Variants in KCTD9 observed in about 807,000 individuals in gnomAD.
KCTD9 encodes potassium channel tetramerization domain containing 9.
Under a neutral mutation model 53.3 loss-of-function variants are expected in KCTD9, and 17 were observed. The ratio of observed to expected loss-of-function variants is 0.32; its 90% CI spans 0.22 to 0.48. KCTD9 has a LOEUF of 0.48. Ranked by LOEUF, KCTD9 falls within the 20% of genes least tolerant of loss-of-function variation. The pLI is 0.99. For synonymous variants in KCTD9, 128 were observed against 162.7 expected (o/e 0.79, Z 1.62); for missense variants, 179 against 465.5 (o/e 0.38, Z 5.66).
chr8:25,435,151 T>G (rs758154920), intron 9 of KCTD9, among the ~76,000 whole-genome samples: 2 of 152,234 alleles, frequency 1.3e-5, no homozygotes, highest in African/African-American at 2.4e-5. Flanking sequence ...TTACTAAACC[T>G]TTCAAGTCTA....
chr8:25,452,050 T>C (rs1802329863), intron 1 of KCTD9, among the ~76,000 whole-genome samples: 1 of 152,208 alleles, frequency 6.6e-6, no homozygotes, highest in Non-Finnish European at 1.5e-5. Context: ...CATTATGTAA[T>C]ATACAATACA....
chr8:25,439,850 C>G, intron 4 of KCTD9, 186 bp from the exon 5 acceptor site: 1 of 1,241,236 alleles, frequency 8.1e-7, no homozygotes, highest in Middle Eastern at 2.9e-4. Flanking sequence ...TAATAGGGTA[C>G]TTCCTTTGAT....
chr8:25,441,838 A>G (rs906646472), intron 3 of KCTD9, among the ~76,000 whole-genome samples: 2 of 152,054 alleles, frequency 1.3e-5, no homozygotes, highest in Non-Finnish European at 2.9e-5. Context: ...CATCTCTACA[A>G]AAAATACAAA....
chr8:25,442,953 A>G (rs1802149770), intron 3 of KCTD9, among the ~76,000 whole-genome samples: 1 of 152,132 alleles, frequency 6.6e-6, no homozygotes, highest in African/African-American at 2.4e-5. Context: ...AGGACTATTG[A>G]TATAGAAAAA....
In KCTD9 at chr8:25,435,149, C is replaced by T. The variant is rs186342998; in HGVS notation, c.813+214G>A. Among the ~76,000 whole-genome samples the T allele has an allele frequency of 1.7e-3, 253 of 152,264 alleles. 1 individual carries two copies. Among genetic ancestry groups the T allele is most frequent in the African/African-American group, 5.8e-3 (240 of 41,552 alleles). ...ATTTAATTTCTTATTAGTTACTAAA[C>T]CTTTCAAGTCTATGTTTAATAAAGG... On this transcript the variant is annotated intron_variant, in intron 9 of 11. Coordinates refer to ENST00000221200, the MANE Select transcript of KCTD9 (RefSeq NM_017634.4).
At chr8:25,449,986 G>A (rs1257125158) in intron 1 of KCTD9, among the ~76,000 whole-genome samples, 1 of 152,168 alleles carries the variant, frequency 6.6e-6, no homozygotes, top group Non-Finnish European at 1.5e-5. Flanking sequence ...CCCCACTGAA[G>A]TCAAATGTGA....
In KCTD9 at chr8:25,448,875, A is replaced by G. The variant is rs374493238; in HGVS notation, c.49-2625T>C. Reference sequence around the variant, plus strand: ...GGTTGCAGTTAGCTGAGATCACACCACCACACTCCAGCCTGGGCGACAAAG... The same window carrying G: ...GGTTGCAGTTAGCTGAGATCACACCGCCACACTCCAGCCTGGGCGACAAAG... On this transcript the variant is annotated intron_variant, in intron 1 of 11. Coordinates refer to ENST00000221200, the MANE Select transcript of KCTD9 (RefSeq NM_017634.4). 2.4e-4 allele frequency among the ~76,000 whole-genome samples: 36 copies of G among 151,826 alleles called. No individual in the cohort carries two copies. The East Asian group carries it at 3.9e-3, about 16-fold the overall frequency.
chr8:25,446,398 A>G (rs1367591953), intron 1 of KCTD9, 148 bp from the exon 2 acceptor site: 1 of 868,320 alleles, frequency 1.2e-6, no homozygotes, highest in Non-Finnish European at 1.7e-6. Context: ...CTTTTCTTCC[A>G]TGACTCATTT....
intron 1 of KCTD9, among the ~76,000 whole-genome samples, chr8:25,450,920 A>C (rs1292548398): frequency 6.6e-6 from 1 of 152,226 alleles, no homozygotes; most frequent in Non-Finnish European, 1.5e-5. Context: ...CTATAAATAA[A>C]ATTATTTTAG....
At chr8:25,452,784 T>C (rs1178013902) in intron 1 of KCTD9, among the ~76,000 whole-genome samples, 1 of 152,246 alleles carries the variant, frequency 6.6e-6, no homozygotes, top group Non-Finnish European at 1.5e-5. Flanking sequence ...GTAGTATTTG[T>C]ATAACATGTA....
chr8:25,457,368 C>T, intron 1 of KCTD9: 21 of 985,144 alleles, frequency 2.1e-5, no homozygotes, highest in Non-Finnish European at 2.5e-5. Flanking sequence ...CTGCCTCGAA[C>T]AGTGAAAATT....
intron 11 of KCTD9, among the ~76,000 whole-genome samples, chr8:25,430,832 C>G (rs1801914549): frequency 6.7e-6 from 1 of 150,360 alleles, no homozygotes; most frequent in Non-Finnish European, 1.5e-5. Context: ...CACACACACA[C>G]ACACACACAC....
chr8:25,443,248 A>G (rs1293157996), intron 3 of KCTD9, among the ~76,000 whole-genome samples: 1 of 151,918 alleles, frequency 6.6e-6, no homozygotes, highest in Non-Finnish European at 1.5e-5. Flanking sequence ...CACTAAAAAA[A>G]TCAAGGCTTG....
intron 1 of KCTD9, among the ~76,000 whole-genome samples, chr8:25,447,113 G>A (rs1267641313): frequency 1.3e-5 from 2 of 152,198 alleles, no homozygotes; most frequent in South Asian, 4.1e-4. Flanking sequence ...CTAGGTAAGG[G>A]TCGGGCGCAG....
Position 25,429,777 on chromosome 8 carries a change from G to C in KCTD9, c.*80C>G, listed in dbSNP as rs1256150772. Reference sequence around the variant, plus strand: ...TTTCCTTACAGTGTTATTTCTTCTAGACAACTGAGTGGGTGGAGAAAGAAA... The same window carrying C: ...TTTCCTTACAGTGTTATTTCTTCTACACAACTGAGTGGGTGGAGAAAGAAA... On this transcript the variant is annotated 3_prime_UTR_variant, in exon 12 of 12. Transcript: ENST00000221200. 9 of 751,748 alleles carry C rather than the reference G, an allele frequency of 1.2e-5. No individual in the cohort carries two copies. The highest frequency in any genetic ancestry group is 3.0e-5 in the South Asian group (2 of 66,632). 46.6% of individuals were successfully genotyped at this position (751,748 alleles called of 1,614,324 possible).
At chr8:25,456,478 G>A (rs994714376) in intron 1 of KCTD9, among the ~76,000 whole-genome samples, 7 of 152,012 alleles carry the variant, frequency 4.6e-5, no homozygotes, top group South Asian at 2.1e-4. Context: ...CACTGCCAAC[G>A]TCTTAGAATA....
intron 1 of KCTD9, among the ~76,000 whole-genome samples, chr8:25,453,487 C>G (rs541958985): frequency 6.6e-6 from 1 of 151,550 alleles, no homozygotes; most frequent in Admixed American, 6.6e-5. Context: ...AACCCTGTCT[C>G]TACTAAAAAC....
Position 25,428,938 on chromosome 8 carries a change from T to C in KCTD9, c.*919A>G, listed in dbSNP as rs1339598103. On this transcript the variant is annotated 3_prime_UTR_variant, in exon 12 of 12. Transcript: ENST00000221200. ...TCTAAGCTGGCCCTATGTAAACTAT[T>C]TGGTATTTGAATTAAATGAATATTA... The C allele has an allele frequency of 6.6e-6, 1 of 152,212 alleles. No homozygotes were observed. The highest frequency in any genetic ancestry group is 2.4e-5 in the African/African-American group (1 of 41,470). The allele number at this position is 152,212 out of a possible 1,614,324, so 9.4% of individuals were successfully genotyped here.
At position 25,446,262 on chromosome 8, in the gene KCTD9, C is replaced by T; in HGVS notation, c.49-12G>A. On this transcript the variant is annotated splice_polypyrimidine_tract_variant and intron_variant, in intron 1 of 11. Coordinates refer to ENST00000221200, the MANE Select transcript of KCTD9 (RefSeq NM_017634.4). ...TATACAGCAACCACCTGTAAACACACCAGAATAATATGAACAATTTCTTTA... is the reference window on the plus strand; with the variant it reads ...TATACAGCAACCACCTGTAAACACATCAGAATAATATGAACAATTTCTTTA... The T allele has an allele frequency of 6.2e-7, 1 of 1,612,972 alleles. No homozygotes were observed. Among genetic ancestry groups the T allele is most frequent in the East Asian group, 2.2e-5 (1 of 44,836 alleles).
Sources: gnomAD v4.1 joint callset for allele counts (sites outside exome capture counted in the v4.1 genomes callset) on GRCh38, gnomAD v4.1.1 for gene constraint, MANE v1.5 for transcripts, NCBI Gene and HGNC (gene_info 2026-07-23, HGNC 2026-07-21) for gene names.